Variants in MAK observed in about 807,000 individuals in gnomAD.
MAK encodes the protein male germ cell associated kinase.
A neutral mutation model predicts 82.6 loss-of-function variants in MAK; 65 were observed. The observed-to-expected ratio is 0.79, with a 90% CI of 0.64 to 0.97. The LOEUF is 0.97. Among genes scored for constraint, MAK ranks in the 50% least tolerant of loss-of-function variants. MAK has a pLI of 0.00. For synonymous variants in MAK, 250 were observed against 274.2 expected (o/e 0.91, Z 0.87); for missense variants, 703 against 780.2 (o/e 0.90, Z 1.18).
intron 13 of MAK, among the ~76,000 whole-genome samples, chr6:10,772,101 G>T (rs187971621): frequency 6.6e-6 from 1 of 152,292 alleles, no homozygotes; most frequent in East Asian, 1.9e-4. Flanking sequence ...GTGACAAAAT[G>T]GGATATATCA....
intron 1 of MAK, among the ~76,000 whole-genome samples, chr6:10,836,724 T>C (rs896312490): frequency 1.3e-5 from 2 of 152,192 alleles, no homozygotes; most frequent in Non-Finnish European, 2.9e-5. Context: ...TATATAGATA[T>C]GATACATATG....
rs1388871156 is a variant in MAK, at chr6:10,825,250, G to T, written c.101+5298C>A. On this transcript the variant is annotated intron_variant, in intron 2 of 14. Coordinates refer to ENST00000354489, the MANE Select transcript of MAK (RefSeq NM_001242957.3). ...AGCATGAAAATCATAGAAAACATCT[G>T]AATTTCTTGGGTACAATGTTGAGCC... is the stretch of plus-strand genomic sequence containing the variant. 2.0e-5 allele frequency among the ~76,000 whole-genome samples: 3 copies of T among 152,174 alleles called. No homozygotes were observed. The East Asian group carries it at 5.8e-4, about 29-fold the overall frequency.
intron 2 of MAK, 139 bp from the exon 3 acceptor site, chr6:10,819,079 A>G: frequency 1.5e-6 from 1 of 657,068 alleles, no homozygotes; most frequent in Non-Finnish European, 2.8e-6. Flanking sequence ...TAAGGAAATC[A>G]CCTCCTATAC....
chr6:10,773,985 C>A (rs1345847066), intron 12 of MAK, among the ~76,000 whole-genome samples: 5 of 152,050 alleles, frequency 3.3e-5, no homozygotes, highest in Admixed American at 3.3e-4. Context: ...AGGAGTGGGC[C>A]ACTGCACCTG....
At chr6:10,791,602 G>T (rs1389328134) in intron 10 of MAK, 73 bp downstream of exon 10, 4 of 1,369,282 alleles carry the variant, frequency 2.9e-6, no homozygotes, top group Admixed American at 1.8e-5. Context: ...GGGTCTACAT[G>T]CATTTATATT....
intron 11 of MAK, among the ~76,000 whole-genome samples, chr6:10,778,866 G>C (rs1773696600): frequency 6.6e-6 from 1 of 152,110 alleles, no homozygotes. Context: ...GGTGGCTCAT[G>C]CCTGTAATCC....
rs368565830 is a variant in MAK at position 10,804,339 on chromosome 6, T to C, written c.492-448A>G. Among the ~76,000 whole-genome samples, 9 of 152,268 alleles carry C rather than the reference T, an allele frequency of 5.9e-5. No homozygotes were observed. The East Asian group carries it at 1.4e-3, about 23-fold the overall frequency. On this transcript the variant is annotated intron_variant, in intron 6 of 14. Transcript: ENST00000354489. ...ACTGATATCCTCAACTGACTCCTCT[T>C]CTGTAGTCAACTATATTTATTGAGT...
At position 10,763,359 on chromosome 6, in the gene MAK, GA is replaced by G. The variant is rs1273254496; in HGVS notation, c.*1092del. On this transcript the variant is annotated 3_prime_UTR_variant, in exon 15 of 15. Transcript: ENST00000354489. ...CAGCATCAAACAAACACAGTTTCCA[GA>G]ACTTTCTTAATGATGTCCAGCCAAG... 2.0e-5 allele frequency: 3 copies of G among 152,086 alleles called. No homozygotes were observed. The highest frequency in any genetic ancestry group is 1.3e-4 in the Admixed American group (2 of 15,260). 9.4% of individuals were successfully genotyped at this position (152,086 alleles called of 1,614,324 possible). A position where few individuals can be genotyped will look rare whatever the true frequency, so the allele number is the denominator to read the frequency against.
intron 4 of MAK, among the ~76,000 whole-genome samples, chr6:10,814,096 A>G (rs1236512537): frequency 6.6e-6 from 1 of 151,942 alleles, no homozygotes; most frequent in Non-Finnish European, 1.5e-5. Flanking sequence ...CAGCCTCCCA[A>G]GTAGCTGGGA....
chr6:10,837,082 G>A (rs1426466558), intron 1 of MAK, among the ~76,000 whole-genome samples: 1 of 152,176 alleles, frequency 6.6e-6, no homozygotes. Flanking sequence ...GGTAAAACAA[G>A]CGTCTGCCAA....
At chr6:10,772,971 G>A (rs1773151866) in intron 13 of MAK, 63 bp downstream of exon 13, 12 of 1,127,242 alleles carry the variant, frequency 1.1e-5, no homozygotes, top group Non-Finnish European at 1.4e-5. Context: ...GGCAAATGTT[G>A]AGAAGAAAAT....
chr6:10,825,952 TTCAA>T (rs1315008412), intron 2 of MAK, among the ~76,000 whole-genome samples: 3 of 152,218 alleles, frequency 2.0e-5, no homozygotes, highest in African/African-American at 7.2e-5. Flanking sequence ...TCTTGACCTC[TTCAA>T]TCGTCTCCAC....
intron 2 of MAK, among the ~76,000 whole-genome samples, chr6:10,825,963 C>T (rs1171904672): frequency 1.3e-5 from 2 of 152,212 alleles, no homozygotes; most frequent in Admixed American, 6.5e-5. Flanking sequence ...TCAATCGTCT[C>T]CACTCTTCTG....
chr6:10,823,927 G>A (rs1314626350), intron 2 of MAK, among the ~76,000 whole-genome samples: 1 of 151,830 alleles, frequency 6.6e-6, no homozygotes, highest in East Asian at 1.9e-4. Context: ...AATTGGAAAT[G>A]CCTAAAATTT....
At chr6:10,823,664 G>A (rs1022005177) in intron 2 of MAK, among the ~76,000 whole-genome samples, 1 of 152,026 alleles carries the variant, frequency 6.6e-6, no homozygotes, top group Admixed American at 6.6e-5. Context: ...TGAGTTGCTG[G>A]GATTACAGGC....
chr6:10,786,551 A>G (rs570013153), intron 10 of MAK, among the ~76,000 whole-genome samples: 55 of 124,614 alleles, frequency 4.4e-4, no homozygotes, highest in African/African-American at 1.2e-3. Flanking sequence ...TCACCACTCC[A>G]CTAATTCACC....
rs767167233 is a variant in MAK at position 10,764,536 on chromosome 6, G to A, written c.1863C>T (p.Asn621=). 1 of 1,614,008 alleles carries A rather than the reference G, an allele frequency of 6.2e-7. No homozygotes were observed. Among genetic ancestry groups the A allele is most frequent in the Non-Finnish European group, 8.5e-7 (1 of 1,179,974 alleles). ...GCTGTGCACGGTTCACAATATTTAG[G>A]TTTTTTGCTGTAGGATTATAAGTAC... ...SGRTYNPTAK[N]LNIVNRAQPI... is the part of the protein sequence containing the mutation. Residue 621 remains asparagine, a synonymous_variant, in exon 15 of 15, where the codon AAC becomes AAT. Coordinates refer to ENST00000354489, the MANE Select transcript of MAK (RefSeq NM_001242957.3).
intron 12 of MAK, among the ~76,000 whole-genome samples, chr6:10,775,070 C>T (rs1351310985): frequency 2.6e-5 from 4 of 152,140 alleles, no homozygotes; most frequent in Non-Finnish European, 4.4e-5. Flanking sequence ...TGCCCACCTC[C>T]GCCTCCCAAA....
chr6:10,826,464 C>T (rs1778377960), intron 2 of MAK: 1 of 152,252 alleles, frequency 6.6e-6, no homozygotes, highest in Non-Finnish European at 1.5e-5. Flanking sequence ...TGAAATACAA[C>T]AGGAGTTTAA....
Sources: gnomAD v4.1 joint callset for allele counts (sites outside exome capture counted in the v4.1 genomes callset) on GRCh38, gnomAD v4.1.1 for gene constraint, MANE v1.5 for transcripts, NCBI Gene and HGNC (gene_info 2026-07-23, HGNC 2026-07-21) for gene names.